Variants in POLR3B observed in about 807,000 individuals in gnomAD.
The protein encoded by POLR3B is RNA polymerase III subunit B, also known as DNA-directed RNA polymerase III subunit RPC2.
Under a neutral mutation model 147.4 loss-of-function variants are expected in POLR3B, and 96 were observed. The observed-to-expected ratio is 0.65, with a 90% confidence interval of 0.55 to 0.77. The LOEUF is 0.77. Among genes scored for constraint, POLR3B ranks in the 30% least tolerant of loss-of-function variants. The pLI, the probability that POLR3B is intolerant of heterozygous loss-of-function variation, is 0.00. For missense variants in POLR3B, 1,036 were observed against 1,413.5 expected, an observed-to-expected ratio of 0.73 and a Z score of 4.28; for synonymous variants, 461 against 485.9, an observed-to-expected ratio of 0.95 and a Z score of 0.67.
At chr12:106,372,331 GTGT>G (rs1178072970) in intron 6 of POLR3B, among the ~76,000 whole-genome samples, 1 of 24,456 alleles carries the variant, frequency 4.1e-5, no homozygotes, top group Non-Finnish European at 6.4e-5. Flanking sequence ...TTGTGTGTGT[GTGT>G]TTTTTTTTTT....
chr12:106,395,706 T>A (rs2036969316), intron 10 of POLR3B, among the ~76,000 whole-genome samples: 1 of 152,142 alleles, frequency 6.6e-6, no homozygotes, highest in African/African-American at 2.4e-5. Context: ...TGGCCAGGCA[T>A]GGTGGCTTAT....
chr12:106,506,023 G>A lies in POLR3B; in HGVS notation c.3272+1769G>A, dbSNP rs1261223934. Among the ~76,000 whole-genome samples, 3 of 152,178 alleles carry A rather than the reference G, an allele frequency of 2.0e-5. No homozygotes were observed. In the East Asian group the frequency reaches 5.8e-4, roughly 29 times the overall value. On this transcript the variant is annotated intron_variant, in intron 27 of 27. Coordinates refer to ENST00000228347, the MANE Select transcript of POLR3B (RefSeq NM_018082.6). ...TTCACTTTAAAAACTAACAGAAGAGGTGGCCATTTGCGGTTCATCTTTCAT... is the reference window on the plus strand; with the variant it reads ...TTCACTTTAAAAACTAACAGAAGAGATGGCCATTTGCGGTTCATCTTTCAT...
intron 25 of POLR3B, among the ~76,000 whole-genome samples, chr12:106,499,431 T>C (rs1483855173): frequency 6.6e-6 from 1 of 152,208 alleles, no homozygotes; most frequent in African/African-American, 2.4e-5. Context: ...TTTATTTCAG[T>C]GACAAAATCT....
At chr12:106,491,930 T>C (rs2038412238) in intron 23 of POLR3B, among the ~76,000 whole-genome samples, 1 of 152,182 alleles carries the variant, frequency 6.6e-6, no homozygotes, top group African/African-American at 2.4e-5. Flanking sequence ...GTAGACTTGC[T>C]AAATAAAAAT....
intron 9 of POLR3B, among the ~76,000 whole-genome samples, chr12:106,381,065 T>C (rs1377056178): frequency 6.6e-6 from 1 of 152,246 alleles, no homozygotes; most frequent in Admixed American, 6.5e-5. Context: ...TTCTAACAAT[T>C]ATCTGAGTCA....
At chr12:106,394,657 G>A (rs1192913436) in intron 10 of POLR3B, among the ~76,000 whole-genome samples, 1 of 152,112 alleles carries the variant, frequency 6.6e-6, no homozygotes, top group Non-Finnish European at 1.5e-5. Flanking sequence ...CCAAACAGTA[G>A]GTTGGAAAAT....
intron 23 of POLR3B, among the ~76,000 whole-genome samples, chr12:106,475,220 G>A (rs2038149261): frequency 8.6e-6 from 1 of 116,862 alleles, no homozygotes; most frequent in South Asian, 2.6e-4. Flanking sequence ...ATTGCACTGT[G>A]GTCTGAGAGA....
intron 10 of POLR3B, among the ~76,000 whole-genome samples, chr12:106,403,823 G>C (rs537741286): frequency 2.8e-5 from 3 of 107,348 alleles, no homozygotes; most frequent in South Asian, 4.0e-4. Flanking sequence ...GGTGGGGGGA[G>C]GGGGGAGGGA....
chr12:106,475,903 G>C (rs1201392021), intron 23 of POLR3B, among the ~76,000 whole-genome samples: 1 of 151,234 alleles, frequency 6.6e-6, no homozygotes, highest in East Asian at 1.9e-4. Flanking sequence ...ATTTGATCCT[G>C]TCATTATGAT....
At position 106,438,276 on chromosome 12, in the gene POLR3B, G is replaced by A. The variant is rs149708644; in HGVS notation, c.1955+497G>A. ...GTATATATGTATATTGTATATTTCT[G>A]TATGTACCATAAAGAAATATACAAT... On this transcript the variant is annotated intron_variant, in intron 18 of 27. Transcript: ENST00000228347. Among the ~76,000 whole-genome samples the A allele has an allele frequency of 4.2e-3, 644 of 152,070 alleles. 7 individuals carry two copies. Among genetic ancestry groups the A allele is most frequent in the African/African-American group, 0.015 (606 of 41,470 alleles).
rs144007006 is a variant in POLR3B at position 106,506,594 on chromosome 12, G to A, written c.3272+2340G>A. Among the ~76,000 whole-genome samples the A allele has an allele frequency of 4.4e-3, 675 of 152,270 alleles. 4 individuals are homozygous for A. The highest frequency in any genetic ancestry group is 0.016 in the African/African-American group (650 of 41,536). ...TCCTGCTTCATTTCTGTCTCATTTA[G>A]AGAGCATCTGATGGCAGTGTCTGAT... On this transcript the variant is annotated intron_variant, in intron 27 of 27. Coordinates refer to ENST00000228347, the MANE Select transcript of POLR3B (RefSeq NM_018082.6).
chr12:106,452,247 T>G (rs1388308104), intron 19 of POLR3B, among the ~76,000 whole-genome samples: 1 of 152,242 alleles, frequency 6.6e-6, no homozygotes, highest in Non-Finnish European at 1.5e-5. Context: ...ACACCCATAG[T>G]CAGTGCTGCT....
chr12:106,435,178 A>T (rs2037561343), intron 16 of POLR3B, among the ~76,000 whole-genome samples: 1 of 151,072 alleles, frequency 6.6e-6, no homozygotes, highest in Non-Finnish European at 1.5e-5. Flanking sequence ...CCCAGGCTGC[A>T]GTGCAGTGGT....
In POLR3B at chr12:106,359,171, T is replaced by C. The variant is rs150463189; in HGVS notation, c.72+1220T>C. Reference sequence around the variant, plus strand: ...TCGAGGCTGCAGTGAGCCGTAATTGTGCTGCTGCACTCCAGCCTGGGTGAC... The same window carrying C: ...TCGAGGCTGCAGTGAGCCGTAATTGCGCTGCTGCACTCCAGCCTGGGTGAC... On this transcript the variant is annotated intron_variant, in intron 1 of 27. Transcript: ENST00000228347. Among the ~76,000 whole-genome samples, 421 of 152,220 alleles carry C rather than the reference T, an allele frequency of 2.8e-3. 4 individuals are homozygous for C. Among genetic ancestry groups the C allele is most frequent in the African/African-American group, 9.5e-3 (396 of 41,542 alleles).
At chr12:106,402,730 C>A (rs141023463) in intron 10 of POLR3B, among the ~76,000 whole-genome samples, 1,899 of 152,098 alleles carry the variant, frequency 0.012, 19 homozygotes, top group Non-Finnish European at 0.02. Flanking sequence ...ATTTAATAAA[C>A]GGTGCTGGGA....
intron 18 of POLR3B, among the ~76,000 whole-genome samples, chr12:106,441,085 T>C (rs748646093): frequency 3.3e-5 from 5 of 152,178 alleles, no homozygotes; most frequent in Non-Finnish European, 7.3e-5. Context: ...TTATGTACTA[T>C]TCTAGATTTT....
intron 27 of POLR3B, chr12:106,507,678 C>T (rs1331088302): frequency 2.5e-5 from 11 of 437,422 alleles, no homozygotes; most frequent in African/African-American, 1.0e-4. Context: ...AAGCACCCTG[C>T]GTCCCCTCAT....
At chr12:106,418,362 A>T (rs1244757985) in intron 12 of POLR3B, among the ~76,000 whole-genome samples, 3 of 152,196 alleles carry the variant, frequency 2.0e-5, no homozygotes, top group African/African-American at 7.2e-5. Context: ...CTACCCTATG[A>T]CAAAAGAATG....
intron 11 of POLR3B, among the ~76,000 whole-genome samples, chr12:106,409,787 A>T (rs1186084897): frequency 6.6e-6 from 1 of 151,986 alleles, no homozygotes; most frequent in Non-Finnish European, 1.5e-5. Context: ...AAGAAATTTT[A>T]AAATAGTATG....
Sources: allele counts gnomAD v4.1 joint callset (sites outside exome capture counted in the v4.1 genomes callset), GRCh38; gene constraint gnomAD v4.1.1; transcripts MANE v1.5; gene names NCBI Gene and HGNC (gene_info 2026-07-23, HGNC 2026-07-21).